The following KIF13A variants were observed in gnomAD, a reference collection of about 807,000 sequenced individuals.
KIF13A encodes kinesin family member 13A, also known as kinesin-like protein KIF13A.
In KIF13A, 79 loss-of-function variants were observed where a neutral mutation model predicts 212.2. That is an observed-to-expected ratio of 0.37 (90% CI 0.31 to 0.45). KIF13A has a LOEUF of 0.45. Ranked by LOEUF, KIF13A falls within the 20% of genes least tolerant of loss-of-function variation. KIF13A has a pLI of 1.00. For synonymous variants in KIF13A, 789 were observed against 808.6 expected (o/e 0.98, Z 0.41); for missense variants, 1,901 against 2,209.0 (o/e 0.86, Z 2.79).
chr6:17,964,011 G>A (rs1779083193), intron 2 of KIF13A, among the ~76,000 whole-genome samples: 1 of 152,128 alleles, frequency 6.6e-6, no homozygotes, highest in Non-Finnish European at 1.5e-5. Context: ...CAGCACTTTG[G>A]AAGTCTCAGG....
chr6:17,808,763 C>T lies in KIF13A; in HGVS notation c.2163+5G>A, dbSNP rs1394575559. ...CTTGCCCTCTCACTTGAAGGACATT[C>T]TTACCTTCCTATTGGCACTGAGGTT... On this transcript the variant is annotated splice_donor_5th_base_variant and intron_variant, in intron 18 of 38. Coordinates refer to ENST00000259711, the MANE Select transcript of KIF13A (RefSeq NM_022113.6). 1.2e-6 allele frequency: 2 copies of T among 1,609,272 alleles called. No individual in the cohort carries two copies.
At chr6:17,835,586 T>C (rs1166938391) in intron 11 of KIF13A, among the ~76,000 whole-genome samples, 1 of 152,190 alleles carries the variant, frequency 6.6e-6, no homozygotes, top group East Asian at 1.9e-4. Flanking sequence ...GTAAGTGCTT[T>C]CTAGTATCAA....
chr6:17,946,718 T>C (rs550847215), intron 2 of KIF13A, among the ~76,000 whole-genome samples: 1 of 152,238 alleles, frequency 6.6e-6, no homozygotes, highest in African/African-American at 2.4e-5. Context: ...AAGTTTAACA[T>C]GCACATATGC....
intron 25 of KIF13A, among the ~76,000 whole-genome samples, chr6:17,791,696 T>C (rs1247591699): frequency 6.6e-6 from 1 of 151,832 alleles, no homozygotes; most frequent in African/African-American, 2.4e-5. Context: ...AGGTGAGGAA[T>C]GCAAGACCAG....
rs757912323 is a variant in KIF13A at position 17,772,088 on chromosome 6, C to T, written c.4325-29G>A. The T allele has an allele frequency of 1.9e-6, 3 of 1,610,038 alleles. No individual in the cohort carries two copies. In the Admixed American group the frequency reaches 5.0e-5, roughly 27 times the overall value. ...GGGAAGATGAGAAGTTATGAGGTTA[C>T]AGATGCTGAACACTTTAAGCAAAAC... On this transcript the variant is annotated intron_variant, in intron 36 of 38. Transcript: ENST00000259711. The surrounding 1 kb of genome is among the most constrained non-coding windows in gnomAD (Gnocchi z 4.8).
Position 17,856,660 on chromosome 6 carries a change from G to A in KIF13A, c.221-538C>T, listed in dbSNP as rs1562062014. 6.6e-6 allele frequency among the ~76,000 whole-genome samples: 1 copy of A among 152,194 alleles called. No individual in the cohort carries two copies. The highest frequency in any genetic ancestry group is 1.5e-5 in the Non-Finnish European group (1 of 68,028). On this transcript the variant is annotated intron_variant, in intron 4 of 38. Coordinates refer to ENST00000259711, the MANE Select transcript of KIF13A (RefSeq NM_022113.6). The surrounding 1 kb of genome is among the most constrained non-coding windows in gnomAD (Gnocchi z 4.5). ...ACCTGTGTCCCCACAGCGGGAGTGG[G>A]GGACAAGTTCTCTTTTGTGAATCTC...
chr6:17,837,109 A>G lies in KIF13A; in HGVS notation c.943-19T>C, dbSNP rs202020917. ...AGTTGTCCTGCCAAGTATTTCAAACAGCATCTTAGGAAGCCCATTCCATGG... is the reference window on the plus strand; with the variant it reads ...AGTTGTCCTGCCAAGTATTTCAAACGGCATCTTAGGAAGCCCATTCCATGG... On this transcript the variant is annotated intron_variant, in intron 10 of 38. Coordinates refer to ENST00000259711, the MANE Select transcript of KIF13A (RefSeq NM_022113.6). The surrounding 1 kb of genome is among the most constrained non-coding windows in gnomAD (Gnocchi z 5.4). 7.7e-4 allele frequency: 1,236 copies of G among 1,608,392 alleles called. 3 individuals carry two copies. Among genetic ancestry groups the G allele is most frequent in the Middle Eastern group, 1.4e-3 (8 of 5,724 alleles).
chr6:17,845,081 A>G (rs968257142), intron 9 of KIF13A, among the ~76,000 whole-genome samples: 2 of 152,182 alleles, frequency 1.3e-5, no homozygotes, highest in Admixed American at 1.3e-4. Context: ...CACAATCATG[A>G]CAGAAGGCAA....
intron 2 of KIF13A, among the ~76,000 whole-genome samples, chr6:17,924,023 A>G (rs1156436867): frequency 6.6e-6 from 1 of 152,202 alleles, no homozygotes; most frequent in African/African-American, 2.4e-5. Context: ...TTTTACTTTA[A>G]GATATGACTC....
intron 25 of KIF13A, among the ~76,000 whole-genome samples, chr6:17,791,845 AG>A (rs1028701673): frequency 2.7e-4 from 39 of 147,140 alleles, no homozygotes; most frequent in African/African-American, 8.1e-4. Context: ...AGATGCAGTG[AG>A]CCGAGATTGT....
intron 6 of KIF13A, among the ~76,000 whole-genome samples, 154 bp from the exon 7 acceptor site, chr6:17,852,196 G>A (rs1767718270): frequency 6.6e-6 from 1 of 152,134 alleles, no homozygotes; most frequent in South Asian, 2.1e-4. Flanking sequence ...ATTTGGATTA[G>A]CAAAACAATG....
rs985601991 is a variant in KIF13A at position 17,985,333 on chromosome 6, C to T, written c.146+1721G>A. 4.6e-5 allele frequency among the ~76,000 whole-genome samples: 7 copies of T among 152,062 alleles called. No homozygotes were observed. In the East Asian group the frequency reaches 1.3e-3, roughly 29 times the overall value. ...GATTAGTAACTAACGTGGTTCAGCC[C>T]GAAAAATGATCAACTGATTACTTAG... On this transcript the variant is annotated intron_variant, in intron 2 of 38. Transcript: ENST00000259711.
chr6:17,885,636 A>G (rs967494206), intron 3 of KIF13A, among the ~76,000 whole-genome samples: 5 of 152,236 alleles, frequency 3.3e-5, no homozygotes, highest in African/African-American at 1.2e-4. Flanking sequence ...AGGAGAAGGT[A>G]TCTCTACAAA....
At position 17,915,350 on chromosome 6, in the gene KIF13A, G is replaced by A. The variant is rs1774402635; in HGVS notation, c.147-17170C>T. Reference sequence around the variant, plus strand: ...TCTCAGTGCCTCAGTTACCTCACCTGTCAAATAGAGCTGGTGTGGGGTTAA... The same window carrying A: ...TCTCAGTGCCTCAGTTACCTCACCTATCAAATAGAGCTGGTGTGGGGTTAA... On this transcript the variant is annotated intron_variant, in intron 2 of 38. Transcript: ENST00000259711. The surrounding 1 kb of genome is among the most constrained non-coding windows in gnomAD (Gnocchi z 4.4). Among the ~76,000 whole-genome samples the A allele has an allele frequency of 6.6e-6, 1 of 152,130 alleles. No individual in the cohort carries two copies. Among genetic ancestry groups the A allele is most frequent in the African/African-American group, 2.4e-5 (1 of 41,426 alleles).
Position 17,805,458 on chromosome 6 carries a change from C to T in KIF13A, c.2304+17G>A, listed in dbSNP as rs1762863370. ...TTTTAACATAACAAAATCTCCATTA[C>T]ATTTTGTCTCTTTTACCTCAGGAAC... On this transcript the variant is annotated intron_variant, in intron 19 of 38. Transcript: ENST00000259711. 1.2e-6 allele frequency: 2 copies of T among 1,602,580 alleles called. No individual in the cohort carries two copies. The highest frequency in any genetic ancestry group is 1.3e-5 in the African/African-American group (1 of 74,216).
intron 2 of KIF13A, among the ~76,000 whole-genome samples, chr6:17,978,884 T>C (rs1316130509): frequency 6.6e-6 from 1 of 152,246 alleles, no homozygotes; most frequent in Non-Finnish European, 1.5e-5. Context: ...CTAGCTATTT[T>C]GGTACTATTC....
intron 2 of KIF13A, among the ~76,000 whole-genome samples, chr6:17,903,114 A>C (rs1369874442): frequency 6.6e-6 from 1 of 152,228 alleles, no homozygotes; most frequent in Non-Finnish European, 1.5e-5. Flanking sequence ...CAAGCATAGA[A>C]ATTGAACGGG....
In KIF13A at chr6:17,816,356, A is replaced by G. The variant is rs1346030571; in HGVS notation, c.2000+664T>C. Among the ~76,000 whole-genome samples, 2 of 152,048 alleles carry G rather than the reference A, an allele frequency of 1.3e-5. No individual in the cohort carries two copies. The highest frequency in any genetic ancestry group is 4.8e-5 in the African/African-American group (2 of 41,352). On this transcript the variant is annotated intron_variant, in intron 17 of 38. Coordinates refer to ENST00000259711, the MANE Select transcript of KIF13A (RefSeq NM_022113.6). The surrounding 1 kb of genome is among the most constrained non-coding windows in gnomAD (Gnocchi z 4.3). ...GTAGCTGGGATTATAGGCACCAGCT[A>G]CCATGCCTGGCTAATTTTTTATTTT...
downstream of KIF13A, among the ~76,000 whole-genome samples, chr6:17,763,491 A>G (rs910115962): frequency 4.8e-5 from 7 of 144,622 alleles, no homozygotes; most frequent in South Asian, 2.1e-4. Context: ...AAAAAAAAAA[A>G]AAAAGAAAAA....
Sources: gnomAD v4.1 joint callset for allele counts (sites outside exome capture counted in the v4.1 genomes callset) on GRCh38, gnomAD v4.1.1 for gene constraint, Gnocchi (gnomAD v3.1) non-coding constraint, MANE v1.5 for transcripts, NCBI Gene and HGNC (gene_info 2026-07-23, HGNC 2026-07-21) for gene names.